STX3: variants seen among roughly 807,000 people sequenced by gnomAD.
STX3 encodes syntaxin-3.
STX3 carries 19 observed loss-of-function variants against 40.2 expected under a neutral mutation model. The ratio of observed to expected loss-of-function variants is 0.47; its 90% CI spans 0.33 to 0.69. The LOEUF is 0.69. STX3 is among the 30% of genes least tolerant of loss of function. The pLI is 0.02. For synonymous variants in STX3, 122 were observed against 132.2 expected (o/e 0.92, Z 0.53); for missense variants, 364 against 366.7 (o/e 0.99, Z 0.06).
intron 1 of STX3, among the ~76,000 whole-genome samples, chr11:59,757,942 T>A (rs534695505): frequency 2.6e-5 from 4 of 152,174 alleles, no homozygotes; most frequent in Non-Finnish European, 5.9e-5. Flanking sequence ...AAGATATGCG[T>A]CTTCTCCCTC....
intron 1 of STX3, among the ~76,000 whole-genome samples, chr11:59,765,465 T>A (rs1863236310): frequency 6.6e-6 from 1 of 151,942 alleles, no homozygotes. Flanking sequence ...CAGACCCTCA[T>A]TTGGAGGGAG....
chr11:59,789,520 A>G (rs981868067), intron 4 of STX3, among the ~76,000 whole-genome samples: 4 of 151,614 alleles, frequency 2.6e-5, no homozygotes, highest in Admixed American at 6.6e-5. Flanking sequence ...GGCTCACTGC[A>G]ATCTCTGCTT....
Position 59,802,075 on chromosome 11 carries a change from T to TGA in STX3, c.*1254_*1255dup. 1.0e-6 allele frequency: 1 copy of TGA among 985,462 alleles called. No individual in the cohort carries two copies. The highest frequency in any genetic ancestry group is 1.2e-6 in the Non-Finnish European group (1 of 829,930). The allele number at this position is 985,462 out of a possible 1,614,324, so 61.0% of individuals were successfully genotyped here. ...CCTGGTGCCTATGCTAGGCTTGTCC[T>TGA]GAGAACATCCCTCAGTAACTTGATA... is the stretch of plus-strand genomic sequence containing the variant. On this transcript the variant is annotated 3_prime_UTR_variant, in exon 11 of 11. Coordinates refer to ENST00000337979, the MANE Select transcript of STX3 (RefSeq NM_004177.5).
chr11:59,792,050 G>T, intron 5 of STX3, 57 bp from the exon 6 acceptor site: 3 of 1,382,694 alleles, frequency 2.2e-6, no homozygotes, highest in Non-Finnish European at 3.1e-6. Context: ...GTGGGGAGGG[G>T]TTCTATAACA....
intron 8 of STX3, among the ~76,000 whole-genome samples, chr11:59,794,905 C>T (rs144691491): frequency 8.7e-4 from 132 of 152,340 alleles, no homozygotes; most frequent in African/African-American, 3.1e-3. Flanking sequence ...GTGTGCCAGG[C>T]ACTCTTCTGC....
At chr11:59,772,849 T>C (rs1863729872) in intron 1 of STX3, among the ~76,000 whole-genome samples, 1 of 152,152 alleles carries the variant, frequency 6.6e-6, no homozygotes, top group Non-Finnish European at 1.5e-5. Context: ...ATCTCTTTTA[T>C]ACCTTACACA....
intron 2 of STX3, among the ~76,000 whole-genome samples, chr11:59,774,783 A>G (rs1406646696): frequency 6.6e-6 from 1 of 152,188 alleles, no homozygotes; most frequent in East Asian, 1.9e-4. Context: ...GTGAGCCGAG[A>G]TTGCGCCACT....
At position 59,769,085 on chromosome 11, in the gene STX3, T is replaced by C. The variant is rs1863422861; in HGVS notation, c.31-4126T>C. Among the ~76,000 whole-genome samples, 3 of 152,230 alleles carry C rather than the reference T, an allele frequency of 2.0e-5. No individual in the cohort carries two copies. In the South Asian group the frequency reaches 6.2e-4, roughly 32 times the overall value. ...AAACAGGGACACATACATTTCTTTA[T>C]CCAATCATCCATTGATGGATACTTA... is the stretch of plus-strand genomic sequence containing the variant. On this transcript the variant is annotated intron_variant, in intron 1 of 10. Transcript: ENST00000337979.
intron 2 of STX3, among the ~76,000 whole-genome samples, chr11:59,786,505 C>T (rs1565182012): frequency 6.6e-6 from 1 of 151,890 alleles, no homozygotes; most frequent in Non-Finnish European, 1.5e-5. Flanking sequence ...CTGCCTCGGC[C>T]TCCCAAAGTG....
chr11:59,799,245 A>T (rs531982515), intron 10 of STX3, among the ~76,000 whole-genome samples: 1 of 152,206 alleles, frequency 6.6e-6, no homozygotes, highest in African/African-American at 2.4e-5. Context: ...TTAAAAAAAA[A>T]CCTATAAAAT....
At chr11:59,779,001 C>T (rs1864181178) in intron 2 of STX3, among the ~76,000 whole-genome samples, 1 of 151,998 alleles carries the variant, frequency 6.6e-6, no homozygotes, top group Non-Finnish European at 1.5e-5. Flanking sequence ...CAATGCCCAG[C>T]TAATTTTTGT....
intron 2 of STX3, 131 bp downstream of exon 2, chr11:59,773,425 A>C: frequency 2.7e-6 from 2 of 743,646 alleles, no homozygotes. Context: ...TGGGATGGCC[A>C]GACAAAGAAA....
At chr11:59,786,640 C>T (rs1283932732) in intron 2 of STX3, among the ~76,000 whole-genome samples, 1 of 151,680 alleles carries the variant, frequency 6.6e-6, no homozygotes, top group South Asian at 2.1e-4. Flanking sequence ...TCCTTCCTTC[C>T]TTTTTCCCCT....
chr11:59,757,332 T>C (rs907806600), intron 1 of STX3, among the ~76,000 whole-genome samples: 1 of 151,944 alleles, frequency 6.6e-6, no homozygotes, highest in African/African-American at 2.4e-5. Flanking sequence ...CCAGCAACCA[T>C]AAAAAAGTAC....
chr11:59,780,044 G>A (rs978653049), intron 2 of STX3, among the ~76,000 whole-genome samples: 3 of 152,150 alleles, frequency 2.0e-5, no homozygotes, highest in African/African-American at 7.2e-5. Flanking sequence ...CCAGTCATTT[G>A]CCTATTTGCA....
At chr11:59,761,985 A>G (rs1385188823) in intron 1 of STX3, among the ~76,000 whole-genome samples, 1 of 152,156 alleles carries the variant, frequency 6.6e-6, no homozygotes, top group Non-Finnish European at 1.5e-5. Context: ...TTATATTGGT[A>G]CATTACTATT....
intron 9 of STX3, chr11:59,795,784 A>AC (rs1865486580): frequency 7.4e-7 from 1 of 1,352,038 alleles, no homozygotes; most frequent in South Asian, 1.3e-5. Context: ...GGCCACCCCT[A>AC]CCTGTGTTCT....
At position 59,803,909 on chromosome 11, in the gene STX3, C is replaced by T. The variant is rs1271789659; in HGVS notation, c.*3085C>T. The T allele has an allele frequency of 6.5e-6, 1 of 153,194 alleles. No homozygotes were observed. The highest frequency in any genetic ancestry group is 6.5e-5 in the Admixed American group (1 of 15,278). The allele number at this position is 153,194 out of a possible 1,614,324, so 9.5% of individuals were successfully genotyped here. On this transcript the variant is annotated 3_prime_UTR_variant, in exon 11 of 11. Transcript: ENST00000337979. ...TCTGTGGTACCATCACTTCTCCACG[C>T]AGACTCCTCATCAGCTTCTCCTCTT...
At position 59,802,111 on chromosome 11, in the gene STX3, C is replaced by CTG. The variant is rs1481219131; in HGVS notation, c.*1288_*1289insGT. 1 of 985,252 alleles carries CTG rather than the reference C, an allele frequency of 1.0e-6. No homozygotes were observed. Among genetic ancestry groups the CTG allele is most frequent in the African/African-American group, 1.7e-5 (1 of 57,224 alleles). The allele number at this position is 985,252 out of a possible 1,614,324, so 61.0% of individuals were successfully genotyped here. A position where few individuals can be genotyped will look rare whatever the true frequency, so the allele number is the denominator to read the frequency against. On this transcript the variant is annotated 3_prime_UTR_variant, in exon 11 of 11. Coordinates refer to ENST00000337979, the MANE Select transcript of STX3 (RefSeq NM_004177.5). ...CTCAGTAACTTGATATTCACATGAC[C>CTG]TACAGGATGTCCCATCTGCAGGGCT...
Sources: gnomAD v4.1 joint callset for allele counts (sites outside exome capture counted in the v4.1 genomes callset) on GRCh38, gnomAD v4.1.1 for gene constraint, MANE v1.5 for transcripts, NCBI Gene and HGNC (gene_info 2026-07-23, HGNC 2026-07-21) for gene names.